The following PLCG2 variants were observed in gnomAD, a reference collection of about 807,000 sequenced individuals.
The protein encoded by PLCG2 is 1-phosphatidylinositol 4,5-bisphosphate phosphodiesterase gamma-2.
Under a neutral mutation model 175.6 loss-of-function variants are expected in PLCG2, and 69 were observed. That is an observed-to-expected ratio of 0.39 (90% CI 0.32 to 0.48). The LOEUF (loss-of-function observed/expected upper bound fraction) is 0.48, where lower values mean the gene tolerates loss of function less well. PLCG2 is among the 20% of genes least tolerant of loss of function. The pLI, the probability that PLCG2 is intolerant of heterozygous loss-of-function variation, is 0.91. For synonymous variants in PLCG2, 827 were observed against 624.0 expected (o/e 1.33, Z -4.85); for missense variants, 1,798 against 1,650.9 (o/e 1.09, Z -1.54).
chr16:81,926,404 C>T (rs916334393), intron 22 of PLCG2, among the ~76,000 whole-genome samples: 2 of 152,062 alleles, frequency 1.3e-5, no homozygotes, highest in African/African-American at 2.4e-5. Context: ...ACGGCCTTGC[C>T]GGGAGGAATC....
chr16:81,929,550 CGTGCCTGGCTAATTTTTGTATTTTTA>C (rs1186632801), intron 24 of PLCG2, among the ~76,000 whole-genome samples: 2 of 152,174 alleles, frequency 1.3e-5, no homozygotes, highest in Non-Finnish European at 2.9e-5. Flanking sequence ...CATGGGCCAC[CGTGCCTGGCTAATTTTTGTATTTTTA>C]GTAGAGCTAG....
At chr16:81,757,032 A>C (rs1275063214) in intron 2 of PLCG2, among the ~76,000 whole-genome samples, 1 of 152,152 alleles carries the variant, frequency 6.6e-6, no homozygotes, top group African/African-American at 2.4e-5. Context: ...TATCTTGGTG[A>C]GTGGTTGTTT....
At chr16:81,924,806 T>C (rs1289756711) in intron 22 of PLCG2, among the ~76,000 whole-genome samples, 1 of 152,270 alleles carries the variant, frequency 6.6e-6, no homozygotes, top group Admixed American at 6.5e-5. Flanking sequence ...CTGTTCCTAC[T>C]GCAGCCTCTG....
rs865832646 is a variant in PLCG2, at chr16:81,863,983, A to G, written c.479+4820A>G. Among the ~76,000 whole-genome samples, 21 of 152,346 alleles carry G rather than the reference A, an allele frequency of 1.4e-4. No homozygotes were observed. In the South Asian group the frequency reaches 4.1e-3, roughly 30 times the overall value. On this transcript the variant is annotated intron_variant, in intron 5 of 32. Transcript: ENST00000564138. Reference sequence around the variant, plus strand: ...CACCTGGGGAAGCTTTGGCAGAGCCACGGCAGTAGTGATTCGGGTTTTACT... The same window carrying G: ...CACCTGGGGAAGCTTTGGCAGAGCCGCGGCAGTAGTGATTCGGGTTTTACT...
intron 2 of PLCG2, among the ~76,000 whole-genome samples, chr16:81,829,310 T>C (rs1905168344): frequency 6.6e-6 from 1 of 152,198 alleles, no homozygotes; most frequent in Admixed American, 6.5e-5. Context: ...GATTTCACCC[T>C]GTTGGTCAGG....
At chr16:81,756,500 G>A (rs1909930256) in intron 2 of PLCG2, among the ~76,000 whole-genome samples, 1 of 152,162 alleles carries the variant, frequency 6.6e-6, no homozygotes, top group Admixed American at 6.6e-5. Context: ...CACAGTGGAG[G>A]AGCCAAGCCT....
intron 3 of PLCG2, 67 bp downstream of exon 3, chr16:81,854,654 A>G (rs2143475474): frequency 7.0e-7 from 1 of 1,434,180 alleles, no homozygotes; most frequent in Admixed American, 1.7e-5. Flanking sequence ...AAGTTCGCTA[A>G]TAGCAGAATG....
At chr16:81,806,801 T>A (rs1208241515) in intron 2 of PLCG2, among the ~76,000 whole-genome samples, 5 of 151,778 alleles carry the variant, frequency 3.3e-5, no homozygotes, top group African/African-American at 1.2e-4. Context: ...ATAAGTGTTT[T>A]GAGGGCTTCA....
At chr16:81,930,565 A>G (rs1910457289) in intron 24 of PLCG2, among the ~76,000 whole-genome samples, 1 of 152,096 alleles carries the variant, frequency 6.6e-6, no homozygotes, top group Non-Finnish European at 1.5e-5. Context: ...CCTGGGCAAC[A>G]TGGCGAAACC....
chr16:81,794,457 C>A (rs1041989819), intron 2 of PLCG2, among the ~76,000 whole-genome samples: 1 of 152,174 alleles, frequency 6.6e-6, no homozygotes, highest in Non-Finnish European at 1.5e-5. Context: ...AAATAAGACG[C>A]AACCAATGCC....
intron 1 of PLCG2, among the ~76,000 whole-genome samples, chr16:81,749,131 C>A (rs796408078): frequency 4.4e-4 from 67 of 152,144 alleles, no homozygotes; most frequent in African/African-American, 1.5e-3. Flanking sequence ...GCAGCCAAAC[C>A]AGGGTTTGAT....
chr16:81,906,187 G>C (rs2143645264), intron 15 of PLCG2: 1 of 152,088 alleles, frequency 6.6e-6, no homozygotes, highest in East Asian at 1.9e-4. Context: ...TGTTGCCACT[G>C]TGTTCACTCA....
At chr16:81,782,234 A>G (rs1227890594) in intron 1 of PLCG2, among the ~76,000 whole-genome samples, 1 of 42,316 alleles carries the variant, frequency 2.4e-5, no homozygotes, top group Non-Finnish European at 4.7e-5. Flanking sequence ...AGCTTATGAG[A>G]TACAAGAAAA....
intron 25 of PLCG2, among the ~76,000 whole-genome samples, chr16:81,932,155 A>T (rs1417485002): frequency 6.6e-6 from 1 of 152,018 alleles, no homozygotes. Flanking sequence ...GGGCTGTCCT[A>T]CCTGAAGTAC....
chr16:81,905,465 C>G lies in PLCG2; in HGVS notation c.1425C>G (p.His475Gln). The G allele has an allele frequency of 6.2e-7, 1 of 1,614,178 alleles. No individual in the cohort carries two copies. The highest frequency in any genetic ancestry group is 2.2e-5 in the East Asian group (1 of 44,882). The change falls in exon 15 of 33, where the codon CAC becomes CAG. Residue 475 changes from histidine to glutamine, a missense_variant. Coordinates refer to ENST00000564138, the MANE Select transcript of PLCG2 (RefSeq NM_002661.5). The part of the protein sequence containing the change: ...DVNMEDKKDE[H>Q]KQQGELYMWD... ...ACATGGAGGACAAGAAGGACGAACA[C>G]AAGCAACAGGGGGAGCTGTACATGT...
In PLCG2 at chr16:81,887,917, T is replaced by G. The variant is rs145441357; in HGVS notation, c.766-1255T>G. ...ATGTCTAGGACTGTGCAGCAGCTGC[T>G]TTGGAACTGGTCATGTATATTTCAG... On this transcript the variant is annotated intron_variant, in intron 9 of 32. Transcript: ENST00000564138. Among the ~76,000 whole-genome samples the G allele has an allele frequency of 8.4e-3, 1,287 of 152,336 alleles. 25 individuals carry two copies. Among genetic ancestry groups the G allele is most frequent in the African/African-American group, 0.03 (1,227 of 41,574 alleles).
intron 5 of PLCG2, among the ~76,000 whole-genome samples, chr16:81,859,437 A>G (rs1230670909): frequency 1.3e-5 from 2 of 152,268 alleles, no homozygotes; most frequent in Admixed American, 6.5e-5. Flanking sequence ...GAGCACCTTT[A>G]AAGTCCTGGT....
intron 2 of PLCG2, among the ~76,000 whole-genome samples, chr16:81,853,367 G>T (rs1268499433): frequency 6.6e-6 from 1 of 151,626 alleles, no homozygotes; most frequent in African/African-American, 2.4e-5. Flanking sequence ...AAAACCATTA[G>T]ACCCTGAACT....
At chr16:81,846,340 A>C (rs1906115828) in intron 2 of PLCG2, among the ~76,000 whole-genome samples, 1 of 152,140 alleles carries the variant, frequency 6.6e-6, no homozygotes, top group African/African-American at 2.4e-5. Context: ...GCCCATCCCT[A>C]AGTGGGACCA....
Sources: allele counts gnomAD v4.1 joint callset (sites outside exome capture counted in the v4.1 genomes callset), GRCh38; gene constraint gnomAD v4.1.1; transcripts MANE v1.5; gene names NCBI Gene and HGNC (gene_info 2026-07-23, HGNC 2026-07-21).